Variants in MACF1 observed in about 807,000 individuals in gnomAD.
The protein encoded by MACF1 is microtubule actin crosslinking factor 1, also known as microtubule-actin cross-linking factor 1.
In MACF1, 193 loss-of-function variants were observed where a neutral mutation model predicts 854.8. That is an observed-to-expected ratio of 0.23 (90% CI 0.20 to 0.25). The LOEUF (loss-of-function observed/expected upper bound fraction) is 0.25. Ranked by LOEUF, MACF1 falls within the 10% of genes least tolerant of loss-of-function variation. The pLI is 1.00. For synonymous variants in MACF1, 3,185 were observed against 3,226.7 expected (o/e 0.99, Z 0.44); for missense variants, 7,722 against 8,929.1 (o/e 0.86, Z 5.45).
Position 39,441,098 on chromosome 1 carries a change from G to T in MACF1, c.18543G>T (p.Lys6181Asn), listed in dbSNP as rs1644106312. ...DLIFACGETE[K>N]PEVRKSIDEM... ...TTTTTGCCTGTGGAGAAACTGAGAA[G>T]CCTGAAGTGAGGAAGAGCATTGATG... The change falls in exon 73 of 101, where the codon AAG becomes AAT. Residue 6181 changes from lysine (K) to asparagine (N), a missense_variant. Lys to Asn is a moderately conservative substitution (Grantham distance 94). This residue lies in a region of MACF1 where 2,807 missense variants were observed against 3,235.8 expected (regional missense o/e 0.87). Coordinates refer to ENST00000564288, the MANE Select transcript of MACF1 (RefSeq NM_001394062.1). The T allele has an allele frequency of 2.5e-6, 4 of 1,614,240 alleles. No individual in the cohort carries two copies. The highest frequency in any genetic ancestry group is 3.4e-6 in the Non-Finnish European group (4 of 1,180,042).
At chr1:39,206,993 T>A (rs1004660301) in intron 1 of MACF1, 5 of 150,992 alleles carry the variant, frequency 3.3e-5, no homozygotes, top group Admixed American at 6.6e-5. Context: ...TTTTTTTTTT[T>A]AATTGGAGTT....
chr1:39,329,811 A>G (rs1347173653), intron 36 of MACF1, among the ~76,000 whole-genome samples: 12 of 152,190 alleles, frequency 7.9e-5, no homozygotes. Context: ...TGTTTCTAGG[A>G]TTTGCAAGGG....
At chr1:39,166,815 G>T (rs1643887637) in intron 2 of MACF1, among the ~76,000 whole-genome samples, 1 of 152,058 alleles carries the variant, frequency 6.6e-6, no homozygotes, top group African/African-American at 2.4e-5. Context: ...TTTGAGGGGT[G>T]GGGTGGGGAG....
chr1:39,457,180 G>A (rs191669851), intron 89 of MACF1: 1 of 152,422 alleles, frequency 6.6e-6, no homozygotes, highest in Non-Finnish European at 1.5e-5. Flanking sequence ...TAAACTAGAA[G>A]CAGTTCTAAA....
chr1:39,169,538 C>G (rs1643918292), intron 2 of MACF1, among the ~76,000 whole-genome samples: 1 of 151,364 alleles, frequency 6.6e-6, no homozygotes, highest in Admixed American at 6.6e-5. Context: ...CCCAGGAGGT[C>G]CAGGCTGCAG....
intron 97 of MACF1, among the ~76,000 whole-genome samples, chr1:39,473,992 G>A (rs541592656): frequency 1.9e-4 from 29 of 152,240 alleles, no homozygotes; most frequent in African/African-American, 6.3e-4. Flanking sequence ...AGTGGCTCAC[G>A]TGTACAATCC....
intron 2 of MACF1, among the ~76,000 whole-genome samples, chr1:39,109,185 A>G (rs1195802539): frequency 6.6e-6 from 1 of 152,218 alleles, no homozygotes; most frequent in Non-Finnish European, 1.5e-5. Flanking sequence ...CTGTTAAAAT[A>G]GGGATGATAA....
At chr1:39,477,092 C>CACTTAGTGTATATATATATATATAT (rs1644914423) in intron 97 of MACF1, among the ~76,000 whole-genome samples, 1 of 72,382 alleles carries the variant, frequency 1.4e-5, no homozygotes, top group Admixed American at 1.6e-4. Flanking sequence ...TATATATATA[C>CACTTAGTGTATATATATATATATAT]ACACACACAC....
chr1:39,332,073 A>C lies in MACF1; in HGVS notation c.5485A>C (p.Ser1829Arg), dbSNP rs1360579615. The C allele has an allele frequency of 1.9e-6, 3 of 1,614,006 alleles. No homozygotes were observed. In the African/African-American group the frequency reaches 4.0e-5, roughly 22 times the overall value. Residue 1829 changes from serine to arginine, a missense_variant, in exon 37 of 101, where the codon AGC becomes CGC. Physicochemically the swap from Ser to Arg is moderately radical, Grantham distance 110 (BLOSUM62 -1). Coordinates refer to ENST00000564288, the MANE Select transcript of MACF1 (RefSeq NM_001394062.1). ...GQRLTIDEAV[S>R]NDLVAAKIAL... ...AAGGCTAACAATAGATGAAGCAGTGAGCAATGATCTAGTAGCTGCTAAGAT... is the reference window on the plus strand; with the variant it reads ...AAGGCTAACAATAGATGAAGCAGTGCGCAATGATCTAGTAGCTGCTAAGAT...
intron 56 of MACF1, among the ~76,000 whole-genome samples, chr1:39,383,003 C>A (rs562487791): frequency 1.6e-4 from 24 of 152,238 alleles, no homozygotes; most frequent in South Asian, 6.2e-4. Context: ...TGCCTGTAGT[C>A]CCAGCTACTC....
rs74066731 is a variant in MACF1 at position 39,283,113 on chromosome 1, A to G, written c.696-76A>G. ...GTGTTTTTCAGCTCTGGGAACTTTCAGGAGGTTTTCTTTGTGTAAACTCAT... is the reference window on the plus strand; with the variant it reads ...GTGTTTTTCAGCTCTGGGAACTTTCGGGAGGTTTTCTTTGTGTAAACTCAT... On this transcript the variant is annotated intron_variant, in intron 7 of 100. Transcript: ENST00000564288. This position sits in a 1 kb window ranked among gnomAD's most constrained non-coding sequence, Gnocchi z 4.5. The G allele has an allele frequency of 4.9e-3, 4,393 of 892,114 alleles. 111 individuals are homozygous for G. In the African/African-American group the frequency reaches 0.056, roughly 11 times the overall value. 55.3% of individuals were successfully genotyped at this position (892,114 alleles called of 1,614,324 possible).
chr1:39,328,632 CTGTG>C (rs1362536133), intron 36 of MACF1: 1 of 152,218 alleles, frequency 6.6e-6, no homozygotes, highest in Non-Finnish European at 1.5e-5. Flanking sequence ...CAAGCTTACA[CTGTG>C]TGTGTGATAC....
In MACF1 at chr1:39,361,607, A is replaced by G. The variant is rs1437789384; in HGVS notation, c.12701A>G (p.Asn4234Ser). 1 of 1,614,190 alleles carries G rather than the reference A, an allele frequency of 6.2e-7. No individual in the cohort carries two copies. Among genetic ancestry groups the G allele is most frequent in the Non-Finnish European group, 8.5e-7 (1 of 1,180,036 alleles). ...GGTAAGCTGCAGCAGTTCATGGAAA[A>G]CAAAAGTCGGATGCTGGCCTCTGGA... ...LSGKLQQFME[N>S]KSRMLASGNQ... is the part of the protein sequence containing the mutation. The change falls in exon 49 of 101, where the codon AAC becomes AGC. Residue 4234 changes from asparagine to serine, a missense_variant. Asn to Ser is a conservative substitution (Grantham distance 46). Coordinates refer to ENST00000564288, the MANE Select transcript of MACF1 (RefSeq NM_001394062.1).
At chr1:39,294,746 C>T (rs959108293) in intron 18 of MACF1, among the ~76,000 whole-genome samples, 2 of 152,096 alleles carry the variant, frequency 1.3e-5, no homozygotes, top group Admixed American at 6.5e-5. Flanking sequence ...TGGGTACTGA[C>T]GTGCAGGAAC....
intron 52 of MACF1, among the ~76,000 whole-genome samples, chr1:39,375,905 T>C (rs1163141032): frequency 2.0e-5 from 3 of 152,250 alleles, no homozygotes; most frequent in Non-Finnish European, 4.4e-5. Flanking sequence ...TACACAATTC[T>C]GCCACAATGA....
chr1:39,479,785 A>C lies in MACF1; in HGVS notation c.21959-13A>C, dbSNP rs769285738. The C allele has an allele frequency of 6.2e-7, 1 of 1,611,192 alleles. No homozygotes were observed. The highest frequency in any genetic ancestry group is 8.5e-7 in the Non-Finnish European group (1 of 1,177,326). ...AAGAACTGACATTGTGTGTGTGTTT[A>C]TTTCCTTTTTAGCACGAGGTAGAAC... On this transcript the variant is annotated splice_polypyrimidine_tract_variant and intron_variant, in intron 97 of 100. Coordinates refer to ENST00000564288, the MANE Select transcript of MACF1 (RefSeq NM_001394062.1).
chr1:39,412,920 T>C, intron 58 of MACF1: 3 of 1,606,800 alleles, frequency 1.9e-6, no homozygotes, highest in Non-Finnish European at 2.6e-6. Flanking sequence ...ACATCCTAGT[T>C]GCTTCAATAG....
chr1:39,265,248 GGAAT>G (rs1050212116), intron 6 of MACF1, among the ~76,000 whole-genome samples: 1 of 152,020 alleles, frequency 6.6e-6, no homozygotes, highest in Non-Finnish European at 1.5e-5. Context: ...TTGTGTTTTT[GGAAT>G]GAATGAATGA....
chr1:39,143,289 T>C (rs930795335), intron 2 of MACF1, among the ~76,000 whole-genome samples: 14 of 152,234 alleles, frequency 9.2e-5, no homozygotes, highest in South Asian at 2.1e-4. Flanking sequence ...TAGAGTGAAT[T>C]ATTGATACAA....
Sources: gnomAD v4.1 joint callset for allele counts (sites outside exome capture counted in the v4.1 genomes callset) on GRCh38, gnomAD v4.1.1 for gene constraint, gnomAD v4.1.1 regional missense constraint, Gnocchi (gnomAD v3.1) non-coding constraint, MANE v1.5 for transcripts, NCBI Gene and HGNC (gene_info 2026-07-23, HGNC 2026-07-21) for gene names.